Variants in HNF1B observed in about 807,000 individuals in gnomAD.
The protein encoded by HNF1B is HNF1 homeobox B, also known as hepatocyte nuclear factor 1-beta.
A neutral mutation model predicts 61.7 loss-of-function variants in HNF1B; 8 were observed. The observed-to-expected ratio is 0.13, with a 90% confidence interval of 0.08 to 0.23. HNF1B has a LOEUF of 0.23. Ranked by LOEUF, HNF1B falls within the 10% of genes least tolerant of loss-of-function variation. The probability of loss-of-function intolerance (pLI) is 1.00; values close to 1 mark genes in which losing one functional copy is unlikely to be tolerated. For missense variants in HNF1B, 562 were observed against 714.5 expected (o/e 0.79, Z 2.43); for synonymous variants, 314 against 287.7 (o/e 1.09, Z -0.93).
rs773569563 is a variant in HNF1B at position 37,701,029 on chromosome 17, G to A, written c.1488C>T (p.Ala496=). 67 of 1,557,236 alleles carry A rather than the reference G, an allele frequency of 4.3e-5. 2 individuals are homozygous for A. In the South Asian group the frequency reaches 7.9e-4, roughly 18 times the overall value. The change falls in exon 7 of 9, where the codon GCC becomes GCT. Residue 496 remains alanine, a synonymous_variant. Transcript: ENST00000617811. ...LMQQSPGSHM[A]QQPFMAAVTQ... is the part of the protein sequence containing the mutation. ...TCACAGCTGCCATGAAGGGCTGCTG[G>A]GCCATGTGGCTGCCTGGGCTCTGCT...
intron 7 of HNF1B, among the ~76,000 whole-genome samples, chr17:37,699,865 C>T (rs1003953020): frequency 1.3e-5 from 2 of 152,206 alleles, no homozygotes; most frequent in African/African-American, 4.8e-5. Flanking sequence ...CTGGACTTGG[C>T]TGTTCTCCCC....
chr17:37,728,247 C>T (rs1452726206), intron 4 of HNF1B, among the ~76,000 whole-genome samples: 1 of 151,926 alleles, frequency 6.6e-6, no homozygotes. Context: ...AGTGATCTGC[C>T]TGCCTTGGCC....
chr17:37,702,847 C>A (rs1348714048), intron 6 of HNF1B, among the ~76,000 whole-genome samples: 1 of 152,208 alleles, frequency 6.6e-6, no homozygotes, highest in Non-Finnish European at 1.5e-5. Flanking sequence ...CCTGATGTGC[C>A]TCAATTCCAG....
At chr17:37,727,762 G>A (rs182579698) in intron 4 of HNF1B, among the ~76,000 whole-genome samples, 106 of 152,266 alleles carry the variant, frequency 7.0e-4, no homozygotes, top group African/African-American at 2.3e-3. Context: ...TGGCTGGGAG[G>A]GAAGGTGCTG....
At chr17:37,715,531 A>G (rs933160480) in intron 4 of HNF1B, among the ~76,000 whole-genome samples, 5 of 152,230 alleles carry the variant, frequency 3.3e-5, no homozygotes, top group African/African-American at 7.2e-5. Context: ...AGCTGAATGG[A>G]ACCACATAGG....
chr17:37,691,824 G>T (rs919855293), intron 8 of HNF1B, among the ~76,000 whole-genome samples: 2 of 152,308 alleles, frequency 1.3e-5, no homozygotes, highest in East Asian at 1.9e-4. Context: ...ACCCAGTGAA[G>T]AAGCTGGGAG....
In HNF1B at chr17:37,720,081, G is replaced by A. The variant is rs183591212; in HGVS notation, c.1046-9418C>T. Among the ~76,000 whole-genome samples, 368 of 152,280 alleles carry A rather than the reference G, an allele frequency of 2.4e-3. 2 individuals are homozygous for A. Among genetic ancestry groups the A allele is most frequent in the Admixed American group, 3.1e-3 (47 of 15,302 alleles). ...CACCAGGTGTTGGGCACTGAGATAG[G>A]AGCACCAGCCAAGTGCTCAGGGAGC... On this transcript the variant is annotated intron_variant, in intron 4 of 8. Transcript: ENST00000617811.
intron 2 of HNF1B, among the ~76,000 whole-genome samples, chr17:37,736,594 C>T (rs550829506): frequency 7.0e-4 from 106 of 152,280 alleles, no homozygotes; most frequent in Admixed American, 2.4e-3. Context: ...AAAAACAAAA[C>T]CCAAGCCACG....
intron 1 of HNF1B, among the ~76,000 whole-genome samples, chr17:37,741,753 C>T (rs2033998204): frequency 6.6e-6 from 1 of 152,060 alleles, no homozygotes; most frequent in African/African-American, 2.4e-5. Flanking sequence ...TTTTGTATGC[C>T]TAAGAAACCT....
At position 37,723,555 on chromosome 17, in the gene HNF1B, C is replaced by T. The variant is rs563966446; in HGVS notation, c.1045+8040G>A. On this transcript the variant is annotated intron_variant, in intron 4 of 8. Transcript: ENST00000617811. ...AAATGCCTTACGGCACTCAATATGC[C>T]TTGTGGATGTCACAGAGAAGTCCTA... Among the ~76,000 whole-genome samples the T allele has an allele frequency of 2.0e-5, 3 of 152,256 alleles. No individual in the cohort carries two copies. In the South Asian group the frequency reaches 6.2e-4, roughly 32 times the overall value.
At chr17:37,741,339 G>C (rs1302839048) in intron 1 of HNF1B, among the ~76,000 whole-genome samples, 1 of 152,194 alleles carries the variant, frequency 6.6e-6, no homozygotes. Flanking sequence ...CACAGGCTTT[G>C]ATAGAGATGT....
In HNF1B at chr17:37,686,845, G is replaced by A. The variant is rs1436757083; in HGVS notation, c.*527C>T. 3.7e-6 allele frequency: 1 copy of A among 270,086 alleles called. No individual in the cohort carries two copies. The highest frequency in any genetic ancestry group is 7.2e-6 in the Non-Finnish European group (1 of 138,414). The allele number at this position is 270,086 out of a possible 1,614,324, so 16.7% of individuals were successfully genotyped here. Reference sequence around the variant, plus strand: ...CAGGGCAGAGGGGAGAGGACACAGAGGGGAAATTGCACTTAATTACAGTAG... The same window carrying A: ...CAGGGCAGAGGGGAGAGGACACAGAAGGGAAATTGCACTTAATTACAGTAG... On this transcript the variant is annotated 3_prime_UTR_variant, in exon 9 of 9. Coordinates refer to ENST00000617811, the MANE Select transcript of HNF1B (RefSeq NM_000458.4).
intron 8 of HNF1B, among the ~76,000 whole-genome samples, chr17:37,697,993 G>A (rs970048276): frequency 6.6e-6 from 1 of 152,116 alleles, no homozygotes; most frequent in Non-Finnish European, 1.5e-5. Context: ...GGCAGAACCA[G>A]GAATAGAACC....
intron 4 of HNF1B, among the ~76,000 whole-genome samples, chr17:37,716,586 G>A (rs1346758536): frequency 1.3e-5 from 2 of 152,168 alleles, no homozygotes; most frequent in Non-Finnish European, 2.9e-5. Context: ...TTTTTAGGCT[G>A]CATATGTCAG....
In HNF1B at chr17:37,687,206, TGA is replaced by T. The variant is rs1234709483; in HGVS notation, c.*164_*165del. The T allele has an allele frequency of 9.9e-6, 11 of 1,108,182 alleles. No homozygotes were observed. The highest frequency in any genetic ancestry group is 1.3e-5 in the Non-Finnish European group (10 of 746,732). The allele number at this position is 1,108,182 out of a possible 1,614,324, so 68.6% of individuals were successfully genotyped here. A position where few individuals can be genotyped will look rare whatever the true frequency, so the allele number is the denominator to read the frequency against. ...AAACTGGGCTTCGGGCTGCGCCTCC[TGA>T]GAGTGGATTGTCTGAGGTGCCAGCA... On this transcript the variant is annotated 3_prime_UTR_variant, in exon 9 of 9. Coordinates refer to ENST00000617811, the MANE Select transcript of HNF1B (RefSeq NM_000458.4).
intron 4 of HNF1B, among the ~76,000 whole-genome samples, chr17:37,717,277 C>T (rs1165110106): frequency 2.0e-5 from 3 of 152,104 alleles, no homozygotes; most frequent in African/African-American, 7.2e-5. Context: ...CAGGAATGTT[C>T]CTCTGGCTGG....
intron 1 of HNF1B, among the ~76,000 whole-genome samples, chr17:37,742,369 CAGG>C (rs1480561440): frequency 1.3e-5 from 2 of 152,194 alleles, no homozygotes; most frequent in African/African-American, 2.4e-5. Flanking sequence ...CTTTCTCTTC[CAGG>C]AGGTTTACTA....
intron 8 of HNF1B, among the ~76,000 whole-genome samples, chr17:37,697,712 C>T (rs1269086251): frequency 2.0e-5 from 3 of 152,104 alleles, no homozygotes; most frequent in African/African-American, 2.4e-5. Flanking sequence ...AGTGGGAACT[C>T]GCACGGGAGT....
chr17:37,729,262 G>A (rs1045804203), intron 4 of HNF1B: 3 of 152,012 alleles, frequency 2.0e-5, no homozygotes, highest in African/African-American at 7.3e-5. Flanking sequence ...ATGTTGAGGA[G>A]CCCAGAGTGA....
Sources: gnomAD v4.1 joint callset for allele counts (sites outside exome capture counted in the v4.1 genomes callset) on GRCh38, gnomAD v4.1.1 for gene constraint, MANE v1.5 for transcripts, NCBI Gene and HGNC (gene_info 2026-07-23, HGNC 2026-07-21) for gene names.